Variants in SUPT3H observed in about 807,000 individuals in gnomAD.
SUPT3H encodes SPT3 homolog, SAGA and STAGA complex component.
In SUPT3H, 44 loss-of-function variants were observed where a neutral mutation model predicts 44.3. The ratio of observed to expected loss-of-function variants is 0.99; its 90% CI spans 0.78 to 1.28. The LOEUF (loss-of-function observed/expected upper bound fraction) is 1.28. SUPT3H is among the 50% of genes most tolerant of loss of function. The pLI is 0.00. For synonymous variants in SUPT3H, 124 were observed against 125.6 expected, an observed-to-expected ratio of 0.99 and a Z score of 0.09; for missense variants, 380 against 387.1, an observed-to-expected ratio of 0.98 and a Z score of 0.15.
chr6:45,340,119 C>T (rs1210737521), intron 2 of SUPT3H, among the ~76,000 whole-genome samples: 2 of 152,096 alleles, frequency 1.3e-5, no homozygotes, highest in African/African-American at 4.8e-5. Flanking sequence ...TCCTAGTCCT[C>T]AATCAATTTC....
chr6:44,900,226 T>C (rs546714651), intron 10 of SUPT3H, among the ~76,000 whole-genome samples: 30 of 152,302 alleles, frequency 2.0e-4, no homozygotes, highest in African/African-American at 7.2e-4. Context: ...GGGCAAGGCA[T>C]TGCCTCACCC....
At chr6:44,940,511 T>C (rs1772227914) in intron 9 of SUPT3H, among the ~76,000 whole-genome samples, 1 of 152,094 alleles carries the variant, frequency 6.6e-6, no homozygotes, top group South Asian at 2.1e-4. Flanking sequence ...TATTCTGCAG[T>C]TGTTGGGTAG....
At chr6:44,872,515 G>C (rs1234454455) in intron 10 of SUPT3H, among the ~76,000 whole-genome samples, 2 of 151,782 alleles carry the variant, frequency 1.3e-5, no homozygotes, top group Non-Finnish European at 2.9e-5. Flanking sequence ...ACATGGAAAG[G>C]AACAACCGGT....
At chr6:45,143,479 TA>T (rs1185980846) in intron 2 of SUPT3H, among the ~76,000 whole-genome samples, 2 of 151,994 alleles carry the variant, frequency 1.3e-5, no homozygotes, top group Admixed American at 6.6e-5. Flanking sequence ...GAAATCAAGA[TA>T]AAAAAATTAA....
chr6:45,241,472 C>A (rs1206632764), intron 2 of SUPT3H, among the ~76,000 whole-genome samples: 1 of 152,178 alleles, frequency 6.6e-6, no homozygotes, highest in Non-Finnish European at 1.5e-5. Flanking sequence ...TTTGTTTCGG[C>A]CCATCCCTTT....
At chr6:45,081,661 T>C (rs1365145994) in intron 3 of SUPT3H, among the ~76,000 whole-genome samples, 4 of 152,164 alleles carry the variant, frequency 2.6e-5, no homozygotes, top group Non-Finnish European at 5.9e-5. Context: ...ACGTCTTATA[T>C]ATACACTATA....
chr6:44,886,409 A>G (rs1472927227), intron 10 of SUPT3H, among the ~76,000 whole-genome samples: 2 of 152,246 alleles, frequency 1.3e-5, no homozygotes, highest in Non-Finnish European at 2.9e-5. Flanking sequence ...TCAGACTGAC[A>G]GCTGATCTCT....
chr6:44,883,318 G>A lies in SUPT3H; in HGVS notation c.912+49335C>T, dbSNP rs57950823. Among the ~76,000 whole-genome samples, 411 of 152,188 alleles carry A rather than the reference G, an allele frequency of 2.7e-3. 17 individuals carry two copies. The East Asian group carries it at 0.07, about 26-fold the overall frequency. ...AAATACCTAGGAATACAACTTACAA[G>A]GGATGTGAAGGACCTCCTAAAGGAG... On this transcript the variant is annotated intron_variant, in intron 10 of 10. Coordinates refer to ENST00000371459, the MANE Select transcript of SUPT3H (RefSeq NM_003599.4).
chr6:45,223,339 T>C (rs767177119), intron 2 of SUPT3H, among the ~76,000 whole-genome samples: 4 of 152,106 alleles, frequency 2.6e-5, no homozygotes, highest in Admixed American at 2.0e-4. Flanking sequence ...GTATTATTAC[T>C]TGCAACTACC....
At chr6:45,176,073 C>G (rs1020433987) in intron 2 of SUPT3H, among the ~76,000 whole-genome samples, 1 of 152,074 alleles carries the variant, frequency 6.6e-6, no homozygotes, top group African/African-American at 2.4e-5. Context: ...GGGGAGGAGC[C>G]AAGATGGCCG....
intron 10 of SUPT3H, among the ~76,000 whole-genome samples, chr6:44,895,849 A>T (rs1285114441): frequency 1.3e-5 from 2 of 152,052 alleles, no homozygotes. Flanking sequence ...TCTTTATCCA[A>T]ATAAGTAAGA....
intron 2 of SUPT3H, among the ~76,000 whole-genome samples, chr6:45,162,521 C>T (rs1809180980): frequency 6.6e-6 from 1 of 152,136 alleles, no homozygotes; most frequent in South Asian, 2.1e-4. Flanking sequence ...AAAACCTCAA[C>T]TCTAAAACAA....
chr6:44,922,697 TA>T (rs903345211), intron 10 of SUPT3H, among the ~76,000 whole-genome samples: 1 of 152,196 alleles, frequency 6.6e-6, no homozygotes, highest in African/African-American at 2.4e-5. Flanking sequence ...ATAAAATACT[TA>T]AAAAATGAAA....
intron 10 of SUPT3H, among the ~76,000 whole-genome samples, chr6:44,860,636 A>G (rs1774496148): frequency 6.6e-6 from 1 of 152,190 alleles, no homozygotes; most frequent in South Asian, 2.1e-4. Context: ...AGACACTACT[A>G]GGACTTAATG....
Position 44,902,887 on chromosome 6 carries a change from T to A in SUPT3H, c.912+29766A>T, listed in dbSNP as rs567517518. 2.0e-5 allele frequency among the ~76,000 whole-genome samples: 3 copies of A among 152,220 alleles called. No homozygotes were observed. In the East Asian group the frequency reaches 5.8e-4, roughly 29 times the overall value. ...CAGGATTAAGAAACTCACTCAGAAC[T>A]GCTCAACTACATGGAAACTGAACAA... On this transcript the variant is annotated intron_variant, in intron 10 of 10. Coordinates refer to ENST00000371459, the MANE Select transcript of SUPT3H (RefSeq NM_003599.4).
chr6:45,261,093 T>C (rs1235966076), intron 2 of SUPT3H, among the ~76,000 whole-genome samples: 1 of 151,950 alleles, frequency 6.6e-6, no homozygotes, highest in Admixed American at 6.6e-5. Flanking sequence ...CCAATCAAAA[T>C]TTGCCCTGGA....
chr6:44,891,875 G>A (rs866561193), intron 10 of SUPT3H, among the ~76,000 whole-genome samples: 2 of 151,742 alleles, frequency 1.3e-5, no homozygotes, highest in African/African-American at 4.8e-5. Context: ...ATTAACTGTC[G>A]ATATAGGTGG....
At chr6:45,227,670 G>A (rs1767185562) in intron 2 of SUPT3H, among the ~76,000 whole-genome samples, 1 of 152,138 alleles carries the variant, frequency 6.6e-6, no homozygotes, top group South Asian at 2.1e-4. Flanking sequence ...TGGTTTCCCA[G>A]TGAGACAGGA....
At chr6:45,216,890 A>G (rs1209719614) in intron 2 of SUPT3H, among the ~76,000 whole-genome samples, 1 of 152,186 alleles carries the variant, frequency 6.6e-6, no homozygotes. Flanking sequence ...AGATAGGCAA[A>G]GAAAAATAAG....
Sources: allele counts gnomAD v4.1 joint callset (sites outside exome capture counted in the v4.1 genomes callset), GRCh38; gene constraint gnomAD v4.1.1; transcripts MANE v1.5; gene names NCBI Gene and HGNC (gene_info 2026-07-23, HGNC 2026-07-21).